The following DNAH11 variants were observed in gnomAD, a reference collection of about 807,000 sequenced individuals.
DNAH11 encodes the protein dynein axonemal heavy chain 11.
A neutral mutation model predicts 526.0 loss-of-function variants in DNAH11; 442 were observed. The observed-to-expected ratio is 0.84, with a 90% CI of 0.78 to 0.91. DNAH11 has a LOEUF of 0.91. Among genes scored for constraint, DNAH11 ranks in the 40% least tolerant of loss-of-function variants. The pLI, the probability that DNAH11 is intolerant of heterozygous loss-of-function variation, is 0.00. For synonymous variants in DNAH11, 2,461 were observed against 1,935.9 expected, an observed-to-expected ratio of 1.27 and a Z score of -7.12; for missense variants, 6,989 against 5,448.7, an observed-to-expected ratio of 1.28 and a Z score of -8.90.
rs983207929 is a variant in DNAH11, at chr7:21,625,075, C to T, written c.4500+4997C>T. ...TAAAGTGAGTTTGGAAGTATTTCTC[C>T]TTAAGTTTTTTTGGAAGAGTTTGAG... On this transcript the variant is annotated intron_variant, in intron 25 of 81. Transcript: ENST00000409508. Among the ~76,000 whole-genome samples the T allele has an allele frequency of 4.3e-5, 5 of 115,718 alleles. No homozygotes were observed. In the East Asian group the frequency reaches 1.0e-3, roughly 24 times the overall value. 75.9% of individuals were successfully genotyped at this position (115,718 alleles called of 152,430 possible). A position where few individuals can be genotyped will look rare whatever the true frequency, so the allele number is the denominator to read the frequency against.
chr7:21,564,235 A>G lies in DNAH11; in HGVS notation c.1032A>G (p.Arg344=), dbSNP rs1322188587. The change falls in exon 6 of 82, where the codon AGA becomes AGG. Residue 344 remains arginine (R), a synonymous_variant. Transcript: ENST00000409508. ...DVELYLRPLR[R]HIQCLQETEF... is the part of the protein sequence containing the mutation. ...AACTTTACCTGAGACCTCTGAGGAG[A>G]CACATCCAGTGTCTCCAGGAGACGG... The G allele has an allele frequency of 6.2e-7, 1 of 1,612,410 alleles. No individual in the cohort carries two copies. The highest frequency in any genetic ancestry group is 1.3e-5 in the African/African-American group (1 of 74,820).
chr7:21,754,695 A>G (rs1193530923), intron 54 of DNAH11, among the ~76,000 whole-genome samples: 3 of 151,860 alleles, frequency 2.0e-5, no homozygotes, highest in Admixed American at 6.6e-5. Flanking sequence ...TAGAAATAGG[A>G]TATCTCTGTC....
At chr7:21,819,940 C>A (rs756206310) in intron 65 of DNAH11, among the ~76,000 whole-genome samples, 10 of 152,090 alleles carry the variant, frequency 6.6e-5, no homozygotes, top group Non-Finnish European at 7.4e-5. Flanking sequence ...TCTTTTAAGG[C>A]CAAGAAGATT....
At position 21,691,012 on chromosome 7, in the gene DNAH11, C is replaced by T. The variant is rs1176263055; in HGVS notation, c.6041+131C>T. ...AATCCTATATGATTTCCTTGGGCTC[C>T]TTTTATAGACAGAACTTTCACCATG... On this transcript the variant is annotated intron_variant, in intron 35 of 81. Transcript: ENST00000409508. The T allele has an allele frequency of 6.1e-6, 4 of 653,574 alleles. No homozygotes were observed. In the African/African-American group the frequency reaches 7.6e-5, roughly 12 times the overall value. 40.5% of individuals were successfully genotyped at this position (653,574 alleles called of 1,614,324 possible). A position where few individuals can be genotyped will look rare whatever the true frequency, so the allele number is the denominator to read the frequency against.
At chr7:21,631,818 A>G (rs912330187) in intron 25 of DNAH11, among the ~76,000 whole-genome samples, 1 of 151,938 alleles carries the variant, frequency 6.6e-6, no homozygotes, top group Non-Finnish European at 1.5e-5. Flanking sequence ...CGGTGGATCT[A>G]CCTTTCTGGG....
chr7:21,702,339 C>G lies in DNAH11; in HGVS notation c.6181-371C>G, dbSNP rs1177940920. Among the ~76,000 whole-genome samples, 4 of 152,062 alleles carry G rather than the reference C, an allele frequency of 2.6e-5. No individual in the cohort carries two copies. In the East Asian group the frequency reaches 5.8e-4, roughly 22 times the overall value. ...TAGAATACCAGGGCCCTTGATGAAACCAGCACAGGTGGAGAAATGTGCTTC... is the reference window on the plus strand; with the variant it reads ...TAGAATACCAGGGCCCTTGATGAAAGCAGCACAGGTGGAGAAATGTGCTTC... On this transcript the variant is annotated intron_variant, in intron 36 of 81. Transcript: ENST00000409508.
chr7:21,870,828 T>A (rs1229510159), intron 73 of DNAH11, among the ~76,000 whole-genome samples: 2 of 152,190 alleles, frequency 1.3e-5, no homozygotes, highest in Admixed American at 1.3e-4. Flanking sequence ...AACCAAGAAT[T>A]TAACTGTTTA....
Position 21,543,548 on chromosome 7 carries a change from C to T in DNAH11, c.303C>T (p.Cys101=). ...TTCTGGAAAGCACCAGCCCGGCTTG[C>T]CTTGTGTTTAGCTTCGCCGCCTCGG... The part of the protein sequence containing the change: ...GEFLESTSPA[C]LVFSFAASGR... The change falls in exon 1 of 82, where the codon TGC becomes TGT. Residue 101 remains cysteine, a synonymous_variant. Coordinates refer to ENST00000409508, the MANE Select transcript of DNAH11 (RefSeq NM_001277115.2). 1 of 1,608,866 alleles carries T rather than the reference C, an allele frequency of 6.2e-7. No homozygotes were observed.
chr7:21,853,998 C>A (rs1423053657), intron 67 of DNAH11, among the ~76,000 whole-genome samples: 1 of 152,020 alleles, frequency 6.6e-6, no homozygotes, highest in Non-Finnish European at 1.5e-5. Context: ...GGTTATTAAG[C>A]CTTGAAAGAG....
chr7:21,555,472 C>A (rs1287796994), intron 2 of DNAH11, among the ~76,000 whole-genome samples: 1 of 152,350 alleles, frequency 6.6e-6, no homozygotes, highest in Admixed American at 6.5e-5. Context: ...GTGTACTCAA[C>A]CCCCAACTAC....
At chr7:21,591,975 T>C (rs1195782644) in intron 14 of DNAH11, among the ~76,000 whole-genome samples, 3 of 152,130 alleles carry the variant, frequency 2.0e-5, no homozygotes, top group Non-Finnish European at 4.4e-5. Context: ...GTGGCAACAA[T>C]AATTACTCTC....
At chr7:21,794,950 G>A (rs1350154953) in intron 61 of DNAH11, among the ~76,000 whole-genome samples, 1 of 152,084 alleles carries the variant, frequency 6.6e-6, no homozygotes, top group Non-Finnish European at 1.5e-5. Context: ...ATTGCAAATA[G>A]GGACGTTCTT....
intron 63 of DNAH11, among the ~76,000 whole-genome samples, chr7:21,809,204 A>G (rs12671527): frequency 6.6e-6 from 1 of 151,644 alleles, no homozygotes; most frequent in African/African-American, 2.4e-5. Context: ...TATCTATTCA[A>G]GAACTTTGTC....
chr7:21,900,137 G>GGTAA lies in DNAH11; in HGVS notation c.13303+20_13303+23dup, dbSNP rs761369220. On this transcript the variant is annotated intron_variant, in intron 81 of 81. Transcript: ENST00000409508. ...TCATGGAGGGTAAGACACCCCAAGGGGTAAGTGGGGAACCTTTTCTTACTC... is the reference window on the plus strand; with the variant it reads ...TCATGGAGGGTAAGACACCCCAAGGGGTAAGTAAGTGGGGAACCTTTTCTTACTC... The GGTAA allele has an allele frequency of 2.8e-5, 45 of 1,595,980 alleles. No homozygotes were observed. Among genetic ancestry groups the GGTAA allele is most frequent in the Admixed American group, 7.0e-5 (4 of 57,164 alleles).
At chr7:21,778,509 G>A (rs1394893377) in intron 56 of DNAH11, among the ~76,000 whole-genome samples, 1 of 152,110 alleles carries the variant, frequency 6.6e-6, no homozygotes, top group Non-Finnish European at 1.5e-5. Flanking sequence ...GTCAGGCAAG[G>A]AGCATTCATG....
At chr7:21,797,445 G>C (rs1974508) in intron 61 of DNAH11, among the ~76,000 whole-genome samples, 73,878 of 151,430 alleles carry the variant, frequency 0.49, 19,479 homozygotes, top group East Asian at 0.74. Flanking sequence ...TCTCAAACTC[G>C]TGACCTCAGG....
At chr7:21,569,661 A>G (rs1430807949) in intron 6 of DNAH11, among the ~76,000 whole-genome samples, 2 of 152,168 alleles carry the variant, frequency 1.3e-5, no homozygotes, top group Non-Finnish European at 2.9e-5. Context: ...GTCCTGAACT[A>G]CCAGGTAAAG....
chr7:21,681,239 C>G (rs553804152), intron 30 of DNAH11, among the ~76,000 whole-genome samples: 69 of 152,076 alleles, frequency 4.5e-4, no homozygotes, highest in African/African-American at 1.6e-3. Flanking sequence ...CCAGCCTGAC[C>G]AAAATGGTGA....
intron 35 of DNAH11, among the ~76,000 whole-genome samples, chr7:21,694,961 C>CT (rs1221058392): frequency 6.6e-6 from 1 of 152,036 alleles, no homozygotes; most frequent in Non-Finnish European, 1.5e-5. Flanking sequence ...TGATGATGAA[C>CT]TTTTTTTCAT....
Sources: gnomAD v4.1 joint callset for allele counts (sites outside exome capture counted in the v4.1 genomes callset) on GRCh38, gnomAD v4.1.1 for gene constraint, MANE v1.5 for transcripts, NCBI Gene and HGNC (gene_info 2026-07-23, HGNC 2026-07-21) for gene names.